CRYBA1: variants seen among roughly 807,000 people sequenced by gnomAD.
The protein encoded by CRYBA1 is beta-crystallin A3.
Under a neutral mutation model 36.2 loss-of-function variants are expected in CRYBA1, and 25 were observed. The ratio of observed to expected loss-of-function variants is 0.69; its 90% CI spans 0.50 to 0.97. The LOEUF is 0.97. Among genes scored for constraint, CRYBA1 ranks in the 50% least tolerant of loss-of-function variants. The probability of loss-of-function intolerance (pLI) is 0.00; values close to 1 mark genes in which losing one functional copy is unlikely to be tolerated. For missense variants in CRYBA1, 224 were observed against 276.3 expected, an observed-to-expected ratio of 0.81 and a Z score of 1.34; for synonymous variants, 111 against 90.0, an observed-to-expected ratio of 1.23 and a Z score of -1.32.
At chr17:29,252,342 C>T in intron 4 of CRYBA1, 137 bp downstream of exon 4, 1 of 1,261,918 alleles carries the variant, frequency 7.9e-7, no homozygotes. Flanking sequence ...AAAGAGAAAA[C>T]ATCACTTTCT....
intron 4 of CRYBA1, 30 bp downstream of exon 4, chr17:29,252,235 A>T: frequency 6.2e-7 from 1 of 1,613,514 alleles, no homozygotes; most frequent in Non-Finnish European, 8.5e-7. Flanking sequence ...ACTTCCGTGC[A>T]TATGAGGGAT....
chr17:29,250,101 C>G, intron 2 of CRYBA1, 81 bp from the exon 3 acceptor site: 1 of 831,880 alleles, frequency 1.2e-6, no homozygotes, highest in Non-Finnish European at 2.1e-6. Flanking sequence ...AGCACAGAGT[C>G]AGACTGAAGT....
At position 29,253,665 on chromosome 17, in the gene CRYBA1, T is replaced by C. The variant is rs1282556958; in HGVS notation, c.383T>C (p.Ile128Thr). Residue 128 changes from isoleucine (I) to threonine (T), a missense_variant, in exon 5 of 6, where the codon ATC becomes ACC. Physicochemically the swap from Ile to Thr is moderately conservative, Grantham distance 89. Coordinates refer to ENST00000225387, the MANE Select transcript of CRYBA1 (RefSeq NM_005208.5). ...SANHKESKMTIFEKENFIGRQ... is the reference protein window; with the variant it reads ...SANHKESKMTTFEKENFIGRQ... ...AATCATAAGGAGTCTAAGATGACCA[T>C]CTTTGAGAAGGAAAACTTTATTGGA... 1 of 1,613,848 alleles carries C rather than the reference T, an allele frequency of 6.2e-7. No individual in the cohort carries two copies. Among genetic ancestry groups the C allele is most frequent in the African/African-American group, 1.3e-5 (1 of 74,932 alleles).
Position 29,249,187 on chromosome 17 carries a change from G to A in CRYBA1, c.77G>A (p.Gly26Glu). ...TKMAQTNPTP[G>E]SLGPWKITIY... ...ATGGCTCAGACCAACCCTACGCCGG[G>A]GTCCCTGGGGCCATGGAAGGTAAGC... Residue 26 changes from glycine (G) to glutamate (E), a missense_variant, in exon 2 of 6, where the codon GGG (glycine) becomes GAG (glutamate). Coordinates refer to ENST00000225387, the MANE Select transcript of CRYBA1 (RefSeq NM_005208.5). 1.9e-6 allele frequency: 3 copies of A among 1,612,724 alleles called. No homozygotes were observed. The highest frequency in any genetic ancestry group is 2.5e-6 in the Non-Finnish European group (3 of 1,178,902).
At position 29,252,114 on chromosome 17, in the gene CRYBA1, A is replaced by T. The variant is rs746332154; in HGVS notation, c.266A>T (p.Glu89Val). 17 of 1,614,050 alleles carry T rather than the reference A, an allele frequency of 1.1e-5. No individual in the cohort carries two copies. Among genetic ancestry groups the T allele is most frequent in the African/African-American group, 2.7e-5 (2 of 74,934 alleles). Residue 89 changes from glutamate to valine, a missense_variant, in exon 4 of 6, where the codon GAG (glutamate) becomes GTG (valine). Transcript: ENST00000225387. ...TTCTGTGGGCAACAGTTTATCCTGG[A>T]GAGAGGAGAATACCCTCGCTGGGAT... ...TSFCGQQFILERGEYPRWDAW... is the reference protein window; with the variant it reads ...TSFCGQQFILVRGEYPRWDAW...
chr17:29,254,370 C>T lies in CRYBA1; in HGVS notation c.*21C>T, dbSNP rs762403347. ...AGTAGCTGATTAAAAGCTCCAAGTA[C>T]GATAATTCCTCAAGCATGAGACCTT... On this transcript the variant is annotated 3_prime_UTR_variant, in exon 6 of 6. Transcript: ENST00000225387. 6.2e-6 allele frequency: 10 copies of T among 1,613,436 alleles called. No homozygotes were observed. The highest frequency in any genetic ancestry group is 1.7e-5 in the Admixed American group (1 of 59,984).
chr17:29,252,673 AGTAT>A (rs902150488), intron 4 of CRYBA1, among the ~76,000 whole-genome samples: 3 of 152,198 alleles, frequency 2.0e-5, no homozygotes, highest in African/African-American at 7.2e-5. Flanking sequence ...TGAACACTTA[AGTAT>A]TACTCAATAA....
chr17:29,246,959 G>A (rs949228821), intron 1 of CRYBA1, 65 bp downstream of exon 1: 6 of 1,536,310 alleles, frequency 3.9e-6, no homozygotes, highest in Non-Finnish European at 5.3e-6. Context: ...ATGCCCAGGA[G>A]AGGGCCCAGT....
Position 29,253,689 on chromosome 17 carries a change from G to T in CRYBA1, c.407G>T (p.Gly136Val). The T allele has an allele frequency of 6.2e-7, 1 of 1,613,962 alleles. No individual in the cohort carries two copies. Among genetic ancestry groups the T allele is most frequent in the Non-Finnish European group, 8.5e-7 (1 of 1,179,870 alleles). The part of the protein sequence containing the change: ...MTIFEKENFI[G>V]RQWEISDDYP... ...ATCTTTGAGAAGGAAAACTTTATTG[G>T]ACGCCAGTGGGAGATCTCTGACGAC... The change falls in exon 5 of 6, where the codon GGA becomes GTA. Residue 136 changes from glycine to valine, a missense_variant. Gly to Val is a moderately radical substitution (Grantham distance 109). Coordinates refer to ENST00000225387, the MANE Select transcript of CRYBA1 (RefSeq NM_005208.5).
At chr17:29,252,347 C>A in intron 4 of CRYBA1, 142 bp downstream of exon 4, 1 of 1,219,728 alleles carries the variant, frequency 8.2e-7, no homozygotes, top group Non-Finnish European at 1.2e-6. Flanking sequence ...GAAAACATCA[C>A]TTTCTTCTCT....
In CRYBA1 at chr17:29,252,167, ATT is replaced by A; in HGVS notation, c.320_321del (p.Ile107ArgfsTer13). 6.2e-7 allele frequency: 1 copy of A among 1,614,168 alleles called. No homozygotes were observed. The highest frequency in any genetic ancestry group is 1.1e-5 in the South Asian group (1 of 91,086). ...CTGGAGTGGGAGTAATGCCTACCACATTGAGCGTCTCATGTCCTTCCGCCCCA... is the reference window on the plus strand; with the variant it reads ...CTGGAGTGGGAGTAATGCCTACCACAGAGCGTCTCATGTCCTTCCGCCCCA... ...DAWSGSNAYHIERLMSFRPIC... is the reference protein window; with the variant it reads ...DAWSGSNAYHXERLMSFRPIC... On this transcript the variant is annotated frameshift_variant, in exon 4 of 6. Coordinates refer to ENST00000225387, the MANE Select transcript of CRYBA1 (RefSeq NM_005208.5). LOFTEE classifies it high-confidence loss of function.
chr17:29,248,052 G>A (rs1230053815), intron 1 of CRYBA1, among the ~76,000 whole-genome samples: 1 of 151,926 alleles, frequency 6.6e-6, no homozygotes, highest in Non-Finnish European at 1.5e-5. Flanking sequence ...GGAGGCGGAG[G>A]TTGCGGTGAG....
At position 29,254,209 on chromosome 17, in the gene CRYBA1, T is replaced by C; in HGVS notation, c.508T>C (p.Cys170Arg). 1 of 1,614,182 alleles carries C rather than the reference T, an allele frequency of 6.2e-7. No homozygotes were observed. The highest frequency in any genetic ancestry group is 8.5e-7 in the Non-Finnish European group (1 of 1,180,022). ...SMKIQSGAWV[C>R]YQYPGYRGYQ... ...GTACTTTGAATTTCCTAGCTGGGTT[T>C]GCTACCAATATCCTGGATATCGTGG... The change falls in exon 6 of 6, where the codon TGC becomes CGC. Residue 170 changes from cysteine to arginine, a missense_variant. Coordinates refer to ENST00000225387, the MANE Select transcript of CRYBA1 (RefSeq NM_005208.5).
chr17:29,251,904 AC>A (rs2068937643), intron 3 of CRYBA1, among the ~76,000 whole-genome samples, 159 bp from the exon 4 acceptor site: 3 of 152,230 alleles, frequency 2.0e-5, no homozygotes, highest in Admixed American at 2.0e-4. Context: ...ATACCTGTCA[AC>A]TCATTCCTCA....
At chr17:29,251,830 GAAGTA>G (rs1383479391) in intron 3 of CRYBA1, among the ~76,000 whole-genome samples, 3 of 152,180 alleles carry the variant, frequency 2.0e-5, no homozygotes, top group Non-Finnish European at 4.4e-5. Context: ...TCAGACCAGT[GAAGTA>G]GATAGACCTT....
intron 4 of CRYBA1, among the ~76,000 whole-genome samples, 153 bp downstream of exon 4, chr17:29,252,358 A>C (rs1393130015): frequency 6.6e-6 from 1 of 152,220 alleles, no homozygotes. Flanking sequence ...TTTCTTCTCT[A>C]AGCCTGCTAT....
At chr17:29,253,846 T>C (rs2068951400) in intron 5 of CRYBA1, 64 bp downstream of exon 5, 2 of 1,574,034 alleles carry the variant, frequency 1.3e-6, no homozygotes, top group Non-Finnish European at 8.7e-7. Flanking sequence ...TCAATAGTTA[T>C]GTTTTAATCA....
chr17:29,251,976 T>C (rs1396872316), intron 3 of CRYBA1, 88 bp from the exon 4 acceptor site: 3 of 1,560,404 alleles, frequency 1.9e-6, no homozygotes, highest in Non-Finnish European at 2.7e-6. Flanking sequence ...TTTACCCCAC[T>C]ATTGACTTAT....
chr17:29,250,353 CA>C, intron 3 of CRYBA1, 53 bp downstream of exon 3: 1 of 1,006,668 alleles, frequency 9.9e-7, no homozygotes, highest in Non-Finnish European at 1.6e-6. Context: ...TCCCTTCAGA[CA>C]GGGGACCATA....
Sources: gnomAD v4.1 joint callset for allele counts (sites outside exome capture counted in the v4.1 genomes callset) on GRCh38, gnomAD v4.1.1 for gene constraint, MANE v1.5 for transcripts, NCBI Gene and HGNC (gene_info 2026-07-23, HGNC 2026-07-21) for gene names.